Variants in MINDY4B observed in about 807,000 individuals in gnomAD.
MINDY4B encodes the protein MINDY family member 4B.
MINDY4B carries 25 observed loss-of-function variants against 16.7 expected under a neutral mutation model. The observed-to-expected ratio is 1.49, with a 90% CI of 1.09 to 2.09. The LOEUF is 2.09. Among genes scored for constraint, MINDY4B ranks in the 30% most tolerant of loss-of-function variants. The pLI, the probability that MINDY4B is intolerant of heterozygous loss-of-function variation, is 0.00. For synonymous variants in MINDY4B, 132 were observed against 61.9 expected, an observed-to-expected ratio of 2.13 and a Z score of -5.32; for missense variants, 327 against 168.4, an observed-to-expected ratio of 1.94 and a Z score of -5.21.
At chr3:150,895,464 T>TTTTTG (rs1401838112) in intron 3 of MINDY4B, among the ~76,000 whole-genome samples, 3 of 152,128 alleles carry the variant, frequency 2.0e-5, no homozygotes, top group African/African-American at 7.2e-5. Flanking sequence ...ACAGCTCTTT[T>TTTTTG]TTTTGTTTTG....
chr3:150,882,518 C>T (rs192294231), intron 10 of MINDY4B, among the ~76,000 whole-genome samples: 18 of 150,556 alleles, frequency 1.2e-4, no homozygotes, highest in African/African-American at 2.9e-4. Flanking sequence ...GGTATGTAGC[C>T]GCATGGGGAT....
chr3:150,890,488 T>C, intron 6 of MINDY4B, 103 bp from the exon 7 acceptor site: 1 of 492,008 alleles, frequency 2.0e-6, no homozygotes, highest in South Asian at 3.4e-5. Flanking sequence ...TTTGTTTCAT[T>C]GCATAATCAC....
At chr3:150,876,320 A>G (rs543431336) in intron 10 of MINDY4B, among the ~76,000 whole-genome samples, 4 of 152,094 alleles carry the variant, frequency 2.6e-5, no homozygotes, top group East Asian at 1.9e-4. Flanking sequence ...CTTTTTTTTT[A>G]TGCTGTCTAG....
chr3:150,890,095 AG>A (rs534901001), intron 7 of MINDY4B, among the ~76,000 whole-genome samples: 79 of 152,332 alleles, frequency 5.2e-4, no homozygotes, highest in African/African-American at 1.8e-3. Context: ...GATTAACCAA[AG>A]AAAAAGATGC....
Position 150,890,334 on chromosome 3 carries a change from C to G in MINDY4B, c.739G>C (p.Asp247His). The G allele has an allele frequency of 1.6e-6, 1 of 630,716 alleles. No individual in the cohort carries two copies. Among genetic ancestry groups the G allele is most frequent in the Non-Finnish European group, 2.8e-6 (1 of 356,586 alleles). The allele number at this position is 630,716 out of a possible 1,614,324, so 39.1% of individuals were successfully genotyped here. ...EKEAAEKFIY[D>H]HLLCFRGEGS... ...TAAACACTTACACATAGTAAGTGATCGTAGATGAATTTCTCAGCGGCTTCT... is the reference window on the plus strand; with the variant it reads ...TAAACACTTACACATAGTAAGTGATGGTAGATGAATTTCTCAGCGGCTTCT... Residue 247 changes from aspartate (D) to histidine (H), a missense_variant, in exon 7 of 12, where the codon GAT becomes CAT. By Grantham distance (81) the Asp-to-His change is moderately conservative. Transcript: ENST00000465419.
intron 8 of MINDY4B, among the ~76,000 whole-genome samples, chr3:150,884,745 C>G (rs371517676): frequency 6.6e-6 from 1 of 152,162 alleles, no homozygotes; most frequent in Non-Finnish European, 1.5e-5. Context: ...CAAAGTTTAC[C>G]TTTCTTTCAA....
intron 3 of MINDY4B, among the ~76,000 whole-genome samples, chr3:150,898,005 C>T (rs1712021662): frequency 6.6e-6 from 1 of 152,154 alleles, no homozygotes; most frequent in African/African-American, 2.4e-5. Context: ...TCCTTACCAA[C>T]CATGTGAACT....
rs181375732 is a variant in MINDY4B, at chr3:150,872,819, A to G, written c.1240+368T>C. Among the ~76,000 whole-genome samples, 30 of 152,284 alleles carry G rather than the reference A, an allele frequency of 2.0e-4. 2 individuals are homozygous for G. The East Asian group carries it at 4.1e-3, about 21-fold the overall frequency. ...TTTGGTTGTGAGATAGCATCAGCCA[A>G]TTCTTCCCTGGGTTTTCCCAATTAT... On this transcript the variant is annotated intron_variant, in intron 11 of 11. Transcript: ENST00000465419.
At chr3:150,896,924 T>C (rs909543906) in intron 3 of MINDY4B, among the ~76,000 whole-genome samples, 4 of 152,136 alleles carry the variant, frequency 2.6e-5, no homozygotes, top group African/African-American at 9.7e-5. Flanking sequence ...ATGATAAAAA[T>C]ATAATGAAAA....
chr3:150,894,665 C>T (rs1327745466), intron 3 of MINDY4B, among the ~76,000 whole-genome samples: 1 of 152,194 alleles, frequency 6.6e-6, no homozygotes, highest in African/African-American at 2.4e-5. Context: ...TGTTTCCAGC[C>T]TGGTACAGTA....
chr3:150,890,218 G>T, intron 7 of MINDY4B, 102 bp downstream of exon 7: 1 of 408,064 alleles, frequency 2.5e-6, no homozygotes. Context: ...AAATGACCTG[G>T]TTTTCTTAAC....
chr3:150,871,847 A>T (rs182347079), intron 11 of MINDY4B, among the ~76,000 whole-genome samples: 3,298 of 152,220 alleles, frequency 0.022, 114 homozygotes, highest in African/African-American at 0.075. Context: ...TCCATCTCCA[A>T]CCAACCAACC....
intron 3 of MINDY4B, among the ~76,000 whole-genome samples, chr3:150,897,331 G>C (rs1296279927): frequency 6.8e-6 from 1 of 147,976 alleles, no homozygotes; most frequent in African/African-American, 2.5e-5. Context: ...CTGTGTGTGT[G>C]TGTGTGTGTG....
intron 3 of MINDY4B, among the ~76,000 whole-genome samples, chr3:150,898,935 C>T (rs893349479): frequency 3.3e-5 from 5 of 152,142 alleles, no homozygotes; most frequent in African/African-American, 1.2e-4. Context: ...TTGAGGTAGA[C>T]TAATCCTCTT....
chr3:150,899,556 AC>A (rs1360022529), intron 3 of MINDY4B, among the ~76,000 whole-genome samples: 2 of 152,154 alleles, frequency 1.3e-5, no homozygotes, highest in African/African-American at 4.8e-5. Flanking sequence ...GCCACGAGCA[AC>A]CTGACTTCAC....
intron 3 of MINDY4B, among the ~76,000 whole-genome samples, chr3:150,895,892 A>G (rs1485853120): frequency 2.0e-5 from 3 of 152,178 alleles, no homozygotes; most frequent in African/African-American, 7.2e-5. Context: ...TTTGATGTCT[A>G]GGTCTCTTGC....
At chr3:150,880,419 T>A (rs1243309640) in intron 10 of MINDY4B, among the ~76,000 whole-genome samples, 2 of 152,164 alleles carry the variant, frequency 1.3e-5, no homozygotes, top group Non-Finnish European at 2.9e-5. Flanking sequence ...AGCAGACTTG[T>A]GTAGGAGAAG....
intron 11 of MINDY4B, among the ~76,000 whole-genome samples, chr3:150,872,044 T>C (rs1234731325): frequency 6.6e-6 from 1 of 152,226 alleles, no homozygotes; most frequent in African/African-American, 2.4e-5. Context: ...TAACTACTTG[T>C]TGGACACCAT....
intron 3 of MINDY4B, among the ~76,000 whole-genome samples, chr3:150,902,028 C>T (rs1712129724): frequency 1.3e-5 from 2 of 152,082 alleles, no homozygotes; most frequent in Admixed American, 6.5e-5. Flanking sequence ...CTGGAAATAC[C>T]GCAGTCAGGG....
Sources: allele counts gnomAD v4.1 joint callset (sites outside exome capture counted in the v4.1 genomes callset), GRCh38; gene constraint gnomAD v4.1.1; transcripts MANE v1.5; gene names NCBI Gene and HGNC (gene_info 2026-07-23, HGNC 2026-07-21).